HDAC9: variants seen among roughly 807,000 people sequenced by gnomAD.
HDAC9 encodes the protein histone deacetylase 9.
A neutral mutation model predicts 139.4 loss-of-function variants in HDAC9; 41 were observed. That is an observed-to-expected ratio of 0.29 (90% CI 0.23 to 0.38). The LOEUF is 0.38. Ranked by LOEUF, HDAC9 falls within the 10% of genes least tolerant of loss-of-function variation. The pLI is 1.00. For synonymous variants in HDAC9, 517 were observed against 476.2 expected (o/e 1.09, Z -1.12); for missense variants, 1,147 against 1,297.0 (o/e 0.88, Z 1.78).
intron 2 of HDAC9, among the ~76,000 whole-genome samples, chr7:18,275,911 C>T (rs1262978863): frequency 2.6e-5 from 4 of 152,100 alleles, no homozygotes; most frequent in Non-Finnish European, 4.4e-5. Context: ...CATGATAAAA[C>T]ATAAAGTTTG....
At chr7:18,219,491 C>CT (rs147055240) in intron 2 of HDAC9, among the ~76,000 whole-genome samples, 2,400 of 148,018 alleles carry the variant, frequency 0.016, 59 homozygotes, top group African/African-American at 0.055. Context: ...TGAGAAGATG[C>CT]TTTTTTTTTT....
intron 1 of HDAC9, among the ~76,000 whole-genome samples, chr7:18,148,183 A>G (rs1032591684): frequency 2.0e-5 from 3 of 152,208 alleles, no homozygotes; most frequent in African/African-American, 4.8e-5. Context: ...ACAGAAATGT[A>G]TTATCTTCGA....
At chr7:18,536,013 C>T (rs1810787250) in intron 2 of HDAC9, among the ~76,000 whole-genome samples, 1 of 152,146 alleles carries the variant, frequency 6.6e-6, no homozygotes, top group African/African-American at 2.4e-5. Flanking sequence ...TGTTCCCCGG[C>T]CTGGCTCTTG....
At chr7:18,432,560 T>C (rs1266083583) in intron 1 of HDAC9, among the ~76,000 whole-genome samples, 1 of 152,234 alleles carries the variant, frequency 6.6e-6, no homozygotes, top group East Asian at 1.9e-4. Flanking sequence ...TCTCATGCAC[T>C]GATATTTGCA....
At chr7:18,401,959 G>T (rs1787586403) in intron 1 of HDAC9, among the ~76,000 whole-genome samples, 1 of 152,012 alleles carries the variant, frequency 6.6e-6, no homozygotes, top group Non-Finnish European at 1.5e-5. Flanking sequence ...GCCTTTATTT[G>T]CACACTGCTT....
chr7:18,117,958 A>G (rs1387235403), intron 1 of HDAC9, among the ~76,000 whole-genome samples: 6 of 152,162 alleles, frequency 3.9e-5, no homozygotes, highest in Non-Finnish European at 7.3e-5. Flanking sequence ...ATTATCATAC[A>G]CATTAGACAA....
intron 1 of HDAC9, among the ~76,000 whole-genome samples, chr7:18,410,665 A>C (rs946848978): frequency 6.6e-6 from 1 of 152,206 alleles, no homozygotes; most frequent in East Asian, 1.9e-4. Context: ...ACAGTAGTAC[A>C]TACAGTAGAG....
At chr7:18,179,305 G>T (rs1278487358) in intron 2 of HDAC9, among the ~76,000 whole-genome samples, 1 of 152,166 alleles carries the variant, frequency 6.6e-6, no homozygotes, top group Non-Finnish European at 1.5e-5. Flanking sequence ...CCCATTAGTT[G>T]ATTGCAAACT....
At chr7:18,796,091 A>G (rs368917501) in intron 17 of HDAC9, among the ~76,000 whole-genome samples, 11 of 152,340 alleles carry the variant, frequency 7.2e-5, no homozygotes, top group African/African-American at 2.6e-4. Flanking sequence ...GCATGTTACG[A>G]TACCACATCG....
intron 1 of HDAC9, among the ~76,000 whole-genome samples, chr7:18,145,430 T>C (rs538913820): frequency 6.6e-6 from 1 of 152,298 alleles, no homozygotes; most frequent in East Asian, 1.9e-4. Flanking sequence ...CAGTATATTA[T>C]CCAGACATAT....
At chr7:18,724,555 G>T (rs1401517420) in intron 12 of HDAC9, among the ~76,000 whole-genome samples, 1 of 152,154 alleles carries the variant, frequency 6.6e-6, no homozygotes, top group Non-Finnish European at 1.5e-5. Flanking sequence ...TGACATTATT[G>T]CATGGTACTG....
At chr7:18,276,349 C>G (rs752977338) in intron 2 of HDAC9, among the ~76,000 whole-genome samples, 1 of 152,176 alleles carries the variant, frequency 6.6e-6, no homozygotes, top group African/African-American at 2.4e-5. Context: ...CTTTATAATA[C>G]CCTTTAAACT....
At chr7:18,980,658 T>TTTCTTGTTCTTCTTG (rs138628448) in intron 25 of HDAC9, among the ~76,000 whole-genome samples, 2 of 144,468 alleles carry the variant, frequency 1.4e-5, no homozygotes, top group Non-Finnish European at 3.0e-5. Context: ...TGTTACACTT[T>TTTCTTGTTCTTCTTG]TTCTTGTTCT....
At chr7:18,413,931 G>A (rs975932304) in intron 1 of HDAC9, among the ~76,000 whole-genome samples, 1 of 152,062 alleles carries the variant, frequency 6.6e-6, no homozygotes, top group African/African-American at 2.4e-5. Context: ...CTTGAATATT[G>A]TATAAGCCAG....
intron 2 of HDAC9, among the ~76,000 whole-genome samples, chr7:18,173,906 C>G (rs1056198065): frequency 2.0e-5 from 3 of 152,182 alleles, no homozygotes; most frequent in African/African-American, 7.2e-5. Flanking sequence ...CTTGGTGAAT[C>G]TGACAATTAT....
chr7:18,492,000 C>G (rs993809963), upstream of HDAC9, among the ~76,000 whole-genome samples: 1 of 151,916 alleles, frequency 6.6e-6, no homozygotes, highest in Non-Finnish European at 1.5e-5. Context: ...ACTTGGCTCC[C>G]GTAAGTCTCT....
intron 1 of HDAC9, among the ~76,000 whole-genome samples, chr7:18,114,087 A>G (rs1394860483): frequency 6.6e-6 from 1 of 152,132 alleles, no homozygotes; most frequent in East Asian, 1.9e-4. Context: ...ATGTTTTCAG[A>G]GTTATAACAC....
intron 6 of HDAC9, among the ~76,000 whole-genome samples, chr7:18,607,249 G>T (rs1835777344): frequency 6.6e-6 from 1 of 152,198 alleles, no homozygotes; most frequent in South Asian, 2.1e-4. Flanking sequence ...AGTCAGCCTT[G>T]TAAGAACTTC....
chr7:18,782,755 C>G (rs1440043463), intron 16 of HDAC9, among the ~76,000 whole-genome samples: 2 of 151,956 alleles, frequency 1.3e-5, no homozygotes, highest in Admixed American at 6.6e-5. Context: ...CCAGCATCGT[C>G]TTGTGCTGTG....
Sources: allele counts gnomAD v4.1 joint callset (sites outside exome capture counted in the v4.1 genomes callset), GRCh38; gene constraint gnomAD v4.1.1; transcripts MANE v1.5; gene names NCBI Gene and HGNC (gene_info 2026-07-23, HGNC 2026-07-21).